XXYLT1: variants seen among roughly 807,000 people sequenced by gnomAD.
The protein encoded by XXYLT1 is UDP-xylose:alpha-xyloside alpha-1,3-xylosyltransferase.
XXYLT1 carries 20 observed loss-of-function variants against 28.9 expected under a neutral mutation model. The ratio of observed to expected loss-of-function variants is 0.69; its 90% CI spans 0.49 to 1.00. XXYLT1 has a LOEUF of 1.00. XXYLT1 is among the 50% of genes least tolerant of loss of function. XXYLT1 has a pLI of 0.00. For missense variants in XXYLT1, 542 were observed against 560.1 expected (o/e 0.97, Z 0.33); for synonymous variants, 257 against 253.8 (o/e 1.01, Z -0.12).
intron 1 of XXYLT1, among the ~76,000 whole-genome samples, chr3:195,268,879 G>T (rs1029759771): frequency 6.6e-6 from 1 of 152,182 alleles, no homozygotes; most frequent in African/African-American, 2.4e-5. Flanking sequence ...AATATTTCTG[G>T]TGCCAACTAA....
chr3:195,211,459 T>C (rs1478033808), intron 2 of XXYLT1, among the ~76,000 whole-genome samples: 2 of 152,206 alleles, frequency 1.3e-5, no homozygotes, highest in African/African-American at 4.8e-5. Flanking sequence ...TAAAATAAAG[T>C]AGTTCAAGAT....
At chr3:195,130,922 C>G (rs1383348477) in intron 3 of XXYLT1, among the ~76,000 whole-genome samples, 7 of 152,112 alleles carry the variant, frequency 4.6e-5, no homozygotes, top group Non-Finnish European at 1.0e-4. Flanking sequence ...AAAAACAAGG[C>G]AGAGCTGGAC....
intron 3 of XXYLT1, among the ~76,000 whole-genome samples, chr3:195,086,512 T>G (rs2108654282): frequency 6.6e-6 from 1 of 152,052 alleles, no homozygotes; most frequent in African/African-American, 2.4e-5. Flanking sequence ...AACACAGTGG[T>G]TAGGGGCAGG....
chr3:195,121,356 G>C (rs1308240772), intron 3 of XXYLT1, among the ~76,000 whole-genome samples: 1 of 152,196 alleles, frequency 6.6e-6, no homozygotes, highest in Non-Finnish European at 1.5e-5. Flanking sequence ...GAAAGCCTTG[G>C]GTTGGTGCAC....
chr3:195,203,401 C>T (rs9870813), intron 2 of XXYLT1, among the ~76,000 whole-genome samples: 95,782 of 152,000 alleles, frequency 0.63, 30,667 homozygotes, highest in East Asian at 0.92. Context: ...TCAAATTGGC[C>T]TGTACCCACC....
At chr3:195,258,972 C>T (rs1257857810) in intron 1 of XXYLT1, among the ~76,000 whole-genome samples, 1 of 152,244 alleles carries the variant, frequency 6.6e-6, no homozygotes, top group Non-Finnish European at 1.5e-5. Flanking sequence ...AACAGGTATG[C>T]GCTTTCTAGA....
intron 3 of XXYLT1, among the ~76,000 whole-genome samples, chr3:195,141,367 T>C (rs1392960387): frequency 1.3e-5 from 2 of 152,234 alleles, no homozygotes; most frequent in African/African-American, 4.8e-5. Flanking sequence ...AATACTTGCA[T>C]AGTTTGCTAC....
intron 3 of XXYLT1, among the ~76,000 whole-genome samples, chr3:195,141,506 T>C (rs1203233209): frequency 6.6e-6 from 1 of 152,164 alleles, no homozygotes; most frequent in African/African-American, 2.4e-5. Flanking sequence ...TCAAATTACG[T>C]ATAAACTCAA....
Position 195,175,957 on chromosome 3 carries a change from C to T in XXYLT1, c.653-19376G>A. 5 of 1,337,522 alleles carry T rather than the reference C, an allele frequency of 3.7e-6. No homozygotes were observed. The South Asian group carries it at 6.4e-5, about 17-fold the overall frequency. The allele number at this position is 1,337,522 out of a possible 1,614,324, so 82.9% of individuals were successfully genotyped here. A position where few individuals can be genotyped will look rare whatever the true frequency, so the allele number is the denominator to read the frequency against. On this transcript the variant is annotated intron_variant, in intron 2 of 3. Coordinates refer to ENST00000310380, the MANE Select transcript of XXYLT1 (RefSeq NM_152531.5). ...AGTCATGTTTGTTATTACAGCCCAG[C>T]TTAGTCTAGCCTTACTAACACAGAG...
At chr3:195,262,560 G>C (rs538820521) in intron 1 of XXYLT1, among the ~76,000 whole-genome samples, 16 of 152,270 alleles carry the variant, frequency 1.1e-4, no homozygotes, top group African/African-American at 3.1e-4. Context: ...GGAACAGTCA[G>C]GAAGTCATGA....
At chr3:195,125,960 C>T (rs370913039) in intron 3 of XXYLT1, among the ~76,000 whole-genome samples, 25 of 150,068 alleles carry the variant, frequency 1.7e-4, no homozygotes, top group Admixed American at 1.3e-3. Context: ...CACGATACCC[C>T]GAGATAACTG....
intron 3 of XXYLT1, among the ~76,000 whole-genome samples, chr3:195,080,941 A>C (rs1715399319): frequency 6.6e-6 from 1 of 152,184 alleles, no homozygotes; most frequent in Admixed American, 6.5e-5. Context: ...GAAAAAGTGG[A>C]GCGCCCTCCC....
chr3:195,162,799 C>T (rs939533567), intron 2 of XXYLT1, among the ~76,000 whole-genome samples: 1 of 152,232 alleles, frequency 6.6e-6, no homozygotes, highest in Non-Finnish European at 1.5e-5. Context: ...GCACATATAA[C>T]ACCCAATGTA....
At chr3:195,242,850 C>G (rs1012954666) in intron 1 of XXYLT1, among the ~76,000 whole-genome samples, 1 of 152,194 alleles carries the variant, frequency 6.6e-6, no homozygotes, top group East Asian at 1.9e-4. Flanking sequence ...GGGTGGGAAT[C>G]GCCATGTTGA....
chr3:195,143,865 G>GATATATATATCTATAT (rs1249814105), intron 3 of XXYLT1, among the ~76,000 whole-genome samples: 1 of 76,472 alleles, frequency 1.3e-5, no homozygotes, highest in African/African-American at 6.2e-5. Flanking sequence ...GATATATATA[G>GATATATATATCTATAT]ATATAGATAT....
At chr3:195,147,236 G>A (rs1400404655) in intron 3 of XXYLT1, among the ~76,000 whole-genome samples, 1 of 152,070 alleles carries the variant, frequency 6.6e-6, no homozygotes, top group Admixed American at 6.6e-5. Context: ...TTCCTCATGG[G>A]ACCAATCCTA....
intron 1 of XXYLT1, among the ~76,000 whole-genome samples, chr3:195,228,834 CAG>C (rs1724178887): frequency 6.8e-6 from 1 of 147,578 alleles, no homozygotes; most frequent in South Asian, 2.1e-4. Flanking sequence ...TTTTTCGAGA[CAG>C]AGTTTCACTC....
intron 3 of XXYLT1, among the ~76,000 whole-genome samples, chr3:195,112,762 T>TGC (rs1560102992): frequency 2.7e-5 from 2 of 74,276 alleles, no homozygotes; most frequent in African/African-American, 8.5e-5. Flanking sequence ...AGTGCGCGCA[T>TGC]GCACACACAC....
intron 3 of XXYLT1, among the ~76,000 whole-genome samples, chr3:195,083,982 C>T (rs1168343769): frequency 1.3e-5 from 2 of 152,008 alleles, no homozygotes; most frequent in Non-Finnish European, 2.9e-5. Flanking sequence ...GCCGAGATTG[C>T]ACCACGGCAC....
Sources: allele counts gnomAD v4.1 joint callset (sites outside exome capture counted in the v4.1 genomes callset), GRCh38; gene constraint gnomAD v4.1.1; transcripts MANE v1.5; gene names NCBI Gene and HGNC (gene_info 2026-07-23, HGNC 2026-07-21).